The following DNAJA2 variants were observed in gnomAD, a reference collection of about 807,000 sequenced individuals.
DNAJA2 encodes dnaJ homolog subfamily A member 2.
In DNAJA2, 6 loss-of-function variants were observed where a neutral mutation model predicts 49.3. The observed-to-expected ratio is 0.12, with a 90% CI of 0.07 to 0.24. The LOEUF (loss-of-function observed/expected upper bound fraction) is 0.24. Ranked by LOEUF, DNAJA2 falls within the 10% of genes least tolerant of loss-of-function variation. The pLI, the probability that DNAJA2 is intolerant of heterozygous loss-of-function variation, is 1.00. For synonymous variants in DNAJA2, 160 were observed against 172.7 expected, an observed-to-expected ratio of 0.93 and a Z score of 0.58; for missense variants, 347 against 516.8, an observed-to-expected ratio of 0.67 and a Z score of 3.19.
intron 6 of DNAJA2, among the ~76,000 whole-genome samples, chr16:46,962,836 G>C (rs1452225193): frequency 6.6e-6 from 1 of 152,178 alleles, no homozygotes; most frequent in Non-Finnish European, 1.5e-5. Flanking sequence ...TGACTAGCAT[G>C]CCCTGATTGT....
At position 46,957,086 on chromosome 16, in the gene DNAJA2, G is replaced by A; in HGVS notation, c.1182C>T (p.Ser394=). Residue 394 remains serine, a synonymous_variant, in exon 9 of 9, where the codon AGC becomes AGT. Transcript: ENST00000317089. ...GATGGCTGCTGCTTTCTTCATCAGAGCTATCATTATAGGCTTCACGCCTCT... is the reference window on the plus strand; with the variant it reads ...GATGGCTGCTGCTTTCTTCATCAGAACTATCATTATAGGCTTCACGCCTCT... The part of the protein sequence containing the change: ...GGQRREAYND[S]SDEESSSHHG... The A allele has an allele frequency of 1.2e-6, 2 of 1,614,118 alleles. No homozygotes were observed. Among genetic ancestry groups the A allele is most frequent in the Non-Finnish European group, 1.7e-6 (2 of 1,180,036 alleles).
At chr16:46,959,585 T>G in intron 6 of DNAJA2, 166 bp from the exon 7 acceptor site, 1 of 579,852 alleles carries the variant, frequency 1.7e-6, no homozygotes, top group Non-Finnish European at 3.0e-6. Flanking sequence ...AAGCTAGCTA[T>G]TCCCAAGTAG....
At chr16:46,967,753 T>A in intron 4 of DNAJA2, 107 bp from the exon 5 acceptor site, 1 of 1,421,626 alleles carries the variant, frequency 7.0e-7, no homozygotes, top group Non-Finnish European at 9.6e-7. Context: ...CCCAATAACT[T>A]GTATTTAAAT....
rs1249596853 is a variant in DNAJA2, at chr16:46,956,078, G to A, written c.*951C>T. 2 of 152,148 alleles carry A rather than the reference G, an allele frequency of 1.3e-5. No individual in the cohort carries two copies. The highest frequency in any genetic ancestry group is 6.5e-5 in the Admixed American group (1 of 15,268). The allele number at this position is 152,148 out of a possible 1,614,324, so 9.4% of individuals were successfully genotyped here. On this transcript the variant is annotated 3_prime_UTR_variant, in exon 9 of 9. Transcript: ENST00000317089. The stretch of plus-strand genomic sequence containing the variant: ...AGAGGATTTGAACACGTTCTATGCA[G>A]ACATGGTTTTACTATAGATTTGCTG...
chr16:46,967,952 G>T (rs765997210), intron 4 of DNAJA2, 132 bp downstream of exon 4: 79 of 902,164 alleles, frequency 8.8e-5, no homozygotes, highest in Non-Finnish European at 1.3e-4. Context: ...CAAAGTGCTG[G>T]GATTTCAGGT....
chr16:46,957,253 G>A (rs762707693), intron 8 of DNAJA2, 33 bp from the exon 9 acceptor site: 5 of 1,537,280 alleles, frequency 3.3e-6, no homozygotes, highest in African/African-American at 1.4e-5. Flanking sequence ...CAGGTTGGTT[G>A]TAATATTTTC....
At chr16:46,964,378 CA>C (rs1283369098) in intron 6 of DNAJA2, among the ~76,000 whole-genome samples, 1 of 152,080 alleles carries the variant, frequency 6.6e-6, no homozygotes, top group Non-Finnish European at 1.5e-5. Flanking sequence ...AACTGAGGGG[CA>C]GGGGGAAGAA....
intron 5 of DNAJA2, among the ~76,000 whole-genome samples, chr16:46,965,730 C>A (rs1961959715): frequency 6.6e-6 from 1 of 151,152 alleles, no homozygotes; most frequent in Non-Finnish European, 1.5e-5. Context: ...ACTCAGGAGG[C>A]CGAGGCAGCA....
At chr16:46,972,632 T>C (rs1018648080) in intron 1 of DNAJA2, 1 of 152,288 alleles carries the variant, frequency 6.6e-6, no homozygotes, top group East Asian at 1.9e-4. Context: ...GGAAGTCCAC[T>C]GTACTCTTCT....
chr16:46,972,946 G>C (rs1453873841), intron 1 of DNAJA2: 1 of 152,278 alleles, frequency 6.6e-6, no homozygotes, highest in Non-Finnish European at 1.5e-5. Flanking sequence ...CGCAGAGAGG[G>C]AGGAGCTCCC....
intron 5 of DNAJA2, among the ~76,000 whole-genome samples, chr16:46,966,609 T>A (rs551954429): frequency 1.3e-5 from 2 of 152,338 alleles, no homozygotes; most frequent in South Asian, 4.1e-4. Context: ...TAATTAAAAT[T>A]TTAATCAGAA....
At position 46,971,516 on chromosome 16, in the gene DNAJA2, T is replaced by A. The variant is rs776142209; in HGVS notation, c.195A>T (p.Leu65Phe). Residue 65 changes from leucine to phenylalanine, a missense_variant, in exon 3 of 9, where the codon TTA (leucine) becomes TTT (phenylalanine). Transcript: ENST00000317089. The part of the protein sequence containing the change: ...EVLSNPEKRE[L>F]YDRYGEQGLR... ...GACCTTGCTCTCCGTATCTGTCATATAACTCACGCTTCTCAGGATTTGATA... is the reference window on the plus strand; with the variant it reads ...GACCTTGCTCTCCGTATCTGTCATAAAACTCACGCTTCTCAGGATTTGATA... 6.2e-7 allele frequency: 1 copy of A among 1,611,526 alleles called. No homozygotes were observed. The highest frequency in any genetic ancestry group is 8.5e-7 in the Non-Finnish European group (1 of 1,179,368).
intron 3 of DNAJA2, 65 bp downstream of exon 3, chr16:46,971,284 C>G (rs1367326164): frequency 7.1e-7 from 1 of 1,409,110 alleles, no homozygotes; most frequent in Non-Finnish European, 9.8e-7. Context: ...TTTTCATCTA[C>G]TGAGTCATTA....
intron 3 of DNAJA2, 47 bp from the exon 4 acceptor site, chr16:46,968,211 C>A: frequency 2.2e-6 from 3 of 1,380,908 alleles, no homozygotes; most frequent in South Asian, 2.6e-5. Flanking sequence ...CACATTTTGT[C>A]AAATACAAGA....
chr16:46,972,071 A>G, intron 1 of DNAJA2, 116 bp from the exon 2 acceptor site: 1 of 753,680 alleles, frequency 1.3e-6, no homozygotes, highest in Non-Finnish European at 2.2e-6. Flanking sequence ...ACCTTTCAAA[A>G]ATATTTTCTA....
chr16:46,968,853 C>A (rs1159102736), intron 3 of DNAJA2, among the ~76,000 whole-genome samples: 1 of 152,064 alleles, frequency 6.6e-6, no homozygotes, highest in Non-Finnish European at 1.5e-5. Context: ...CAAGACCAGC[C>A]TGAGCAACTT....
At chr16:46,965,954 TG>T (rs2143652953) in intron 5 of DNAJA2, among the ~76,000 whole-genome samples, 1 of 152,016 alleles carries the variant, frequency 6.6e-6, no homozygotes, top group Admixed American at 6.6e-5. Flanking sequence ...CCAAGAGTGG[TG>T]GCTAACACCT....
At chr16:46,967,448 C>A (rs1055481837) in intron 5 of DNAJA2, 65 bp downstream of exon 5, 155 of 1,596,660 alleles carry the variant, frequency 9.7e-5, no homozygotes, top group Non-Finnish European at 1.3e-4. Flanking sequence ...AAATTGTAAA[C>A]CTCTCCAATA....
intron 1 of DNAJA2, chr16:46,972,198 T>C (rs1962062331): frequency 6.5e-6 from 3 of 463,948 alleles, no homozygotes; most frequent in Non-Finnish European, 1.1e-5. Flanking sequence ...GATAAAACAA[T>C]GAAGCAATGC....
Sources: allele counts gnomAD v4.1 joint callset (sites outside exome capture counted in the v4.1 genomes callset), GRCh38; gene constraint gnomAD v4.1.1; transcripts MANE v1.5; gene names NCBI Gene and HGNC (gene_info 2026-07-23, HGNC 2026-07-21).